TP63: variants seen among roughly 807,000 people sequenced by gnomAD.
TP63 encodes the protein tumor protein p63, also known as tumor protein 63.
TP63 carries 17 observed loss-of-function variants against 82.8 expected under a neutral mutation model. That is an observed-to-expected ratio of 0.21 (90% CI 0.14 to 0.31). TP63 has a LOEUF of 0.31. TP63 is among the 10% of genes least tolerant of loss of function. The pLI is 1.00. For missense variants in TP63, 648 were observed against 895.3 expected (o/e 0.72, Z 3.52); for synonymous variants, 330 against 321.7 (o/e 1.03, Z -0.28).
rs187453437 is a variant in TP63, at chr3:189,889,603, G to A, written c.1652+119G>A. On this transcript the variant is annotated intron_variant, in intron 12 of 13. Coordinates refer to ENST00000264731, the MANE Select transcript of TP63 (RefSeq NM_003722.5). ...GGAAGACAGCAGTCCTGTGGTTGGA[G>A]TTCAGTCACTATTATCTCTGATCTG... 9 of 1,373,188 alleles carry A rather than the reference G, an allele frequency of 6.6e-6. No individual in the cohort carries two copies. In the African/African-American group the frequency reaches 8.5e-5, roughly 13 times the overall value. 85.1% of individuals were successfully genotyped at this position (1,373,188 alleles called of 1,614,324 possible).
intron 1 of TP63, among the ~76,000 whole-genome samples, chr3:189,672,484 C>G (rs1308422609): frequency 6.6e-6 from 1 of 151,892 alleles, no homozygotes; most frequent in South Asian, 2.1e-4. Flanking sequence ...TGACTGTAGT[C>G]CCAGCTACTA....
intron 4 of TP63, among the ~76,000 whole-genome samples, chr3:189,822,335 T>C (rs1169078274): frequency 1.3e-5 from 2 of 152,164 alleles, no homozygotes; most frequent in African/African-American, 2.4e-5. Context: ...AGAGGTGATG[T>C]ATTAGGATAG....
chr3:189,744,089 A>G (rs570234379), intron 3 of TP63, among the ~76,000 whole-genome samples: 2 of 152,266 alleles, frequency 1.3e-5, no homozygotes, highest in East Asian at 3.9e-4. Flanking sequence ...CGGCCCATGC[A>G]TCTCCACATC....
In TP63 at chr3:189,817,513, A is replaced by G. The variant is rs536385594; in HGVS notation, c.579+8987A>G. 3.9e-5 allele frequency among the ~76,000 whole-genome samples: 6 copies of G among 152,174 alleles called. No homozygotes were observed. The South Asian group carries it at 6.2e-4, about 16-fold the overall frequency. ...TTGCTGTGAGGCTTAATTAAAGTTT[A>G]TAAAGTGCTTTGGGAGCCTGAGAGA... On this transcript the variant is annotated intron_variant, in intron 4 of 13. Transcript: ENST00000264731.
intron 10 of TP63, among the ~76,000 whole-genome samples, chr3:189,885,110 A>G (rs1483578519): frequency 6.6e-6 from 1 of 152,252 alleles, no homozygotes; most frequent in Non-Finnish European, 1.5e-5. Context: ...TGCCTGTGAC[A>G]GGGAAAAGGT....
chr3:189,647,651 A>G lies in TP63; in HGVS notation c.62+16074A>G, dbSNP rs180925693. 4.6e-4 allele frequency among the ~76,000 whole-genome samples: 68 copies of G among 146,794 alleles called. 11 individuals are homozygous for G. Among genetic ancestry groups the G allele is most frequent in the African/African-American group, 1.7e-3 (65 of 39,182 alleles). ...CCTTTTTTCAGTTACGTCATGCTAT[A>G]AGATACGCAAGCTGTCTGGTCATTG... On this transcript the variant is annotated intron_variant, in intron 1 of 13. Transcript: ENST00000264731.
intron 1 of TP63, among the ~76,000 whole-genome samples, chr3:189,662,246 C>T (rs144999976): frequency 7.9e-5 from 12 of 152,136 alleles, no homozygotes; most frequent in African/African-American, 1.2e-4. Context: ...TGCATCCCAA[C>T]GATTTTGGTA....
intron 4 of TP63, among the ~76,000 whole-genome samples, chr3:189,817,559 A>G (rs567272656): frequency 6.6e-6 from 1 of 152,288 alleles, no homozygotes; most frequent in African/African-American, 2.4e-5. Context: ...AAAACATAAT[A>G]TGTTATTATC....
intron 3 of TP63, among the ~76,000 whole-genome samples, chr3:189,791,457 T>C (rs1306168296): frequency 2.0e-5 from 3 of 152,216 alleles, no homozygotes; most frequent in South Asian, 2.1e-4. Flanking sequence ...AAAAGAGTCA[T>C]ATTGTATGTG....
chr3:189,692,498 G>T (rs1031711562), intron 1 of TP63, among the ~76,000 whole-genome samples: 1 of 151,694 alleles, frequency 6.6e-6, no homozygotes, highest in Non-Finnish European at 1.5e-5. Context: ...AAGGAATGTG[G>T]CATAACTTAC....
intron 1 of TP63, among the ~76,000 whole-genome samples, chr3:189,714,104 T>A (rs944654788): frequency 6.6e-6 from 1 of 152,178 alleles, no homozygotes; most frequent in Non-Finnish European, 1.5e-5. Context: ...CAGTGCCAAA[T>A]GATTATCTGT....
chr3:189,642,598 G>C (rs1711997084), intron 1 of TP63, among the ~76,000 whole-genome samples: 1 of 151,894 alleles, frequency 6.6e-6, no homozygotes, highest in Non-Finnish European at 1.5e-5. Context: ...CTACCTGATT[G>C]GATTGCCTTA....
At chr3:189,796,260 A>G (rs748578267) in intron 3 of TP63, among the ~76,000 whole-genome samples, 13 of 152,048 alleles carry the variant, frequency 8.5e-5, no homozygotes, top group Non-Finnish European at 1.5e-4. Flanking sequence ...ACTTTGGGAC[A>G]AGGATACATG....
At chr3:189,668,366 CTA>C (rs71635307) in intron 1 of TP63, among the ~76,000 whole-genome samples, 17,316 of 151,924 alleles carry the variant, frequency 0.11, 1,322 homozygotes, top group East Asian at 0.38. Context: ...TTAAAGGAAA[CTA>C]TTGTTCATTT....
intron 10 of TP63, among the ~76,000 whole-genome samples, chr3:189,874,184 C>A (rs1412928374): frequency 6.6e-6 from 1 of 152,070 alleles, no homozygotes; most frequent in East Asian, 1.9e-4. Flanking sequence ...ATTCTCCTGC[C>A]TCAGCCTCCC....
the TP63 span, among the ~76,000 whole-genome samples, chr3:189,610,993 G>T: frequency 6.6e-6 from 1 of 152,136 alleles, no homozygotes; most frequent in Non-Finnish European, 1.5e-5. Context: ...CATAATAACA[G>T]CATGGGAAGG....
At chr3:189,642,345 T>A (rs1338728225) in intron 1 of TP63, among the ~76,000 whole-genome samples, 1 of 152,192 alleles carries the variant, frequency 6.6e-6, no homozygotes, top group African/African-American at 2.4e-5. Context: ...TATTGAATTT[T>A]AACTATGTTC....
At chr3:189,618,308 T>G in the TP63 span, among the ~76,000 whole-genome samples, 7 of 152,202 alleles carry the variant, frequency 4.6e-5, no homozygotes, top group Non-Finnish European at 8.8e-5. Flanking sequence ...GGTCAAAGAA[T>G]CTAATGAGAA....
chr3:189,615,830 A>T, the TP63 span, among the ~76,000 whole-genome samples: 1 of 152,194 alleles, frequency 6.6e-6, no homozygotes, highest in Non-Finnish European at 1.5e-5. Flanking sequence ...TTGACTTCCA[A>T]TGCTGTCCTC....
Sources: allele counts gnomAD v4.1 joint callset (sites outside exome capture counted in the v4.1 genomes callset), GRCh38; gene constraint gnomAD v4.1.1; transcripts MANE v1.5; gene names NCBI Gene and HGNC (gene_info 2026-07-23, HGNC 2026-07-21).